PIGU: variants seen among roughly 807,000 people sequenced by gnomAD.
PIGU encodes phosphatidylinositol glycan anchor biosynthesis class U, also known as GPI-anchor transamidase component PIGU.
Under a neutral mutation model 49.9 loss-of-function variants are expected in PIGU, and 24 were observed. The observed-to-expected ratio is 0.48, with a 90% CI of 0.35 to 0.68. The LOEUF (loss-of-function observed/expected upper bound fraction) is 0.68, where lower values mean the gene tolerates loss of function less well. PIGU is among the 30% of genes least tolerant of loss of function. The pLI, the probability that PIGU is intolerant of heterozygous loss-of-function variation, is 0.01. For missense variants in PIGU, 490 were observed against 532.6 expected (o/e 0.92, Z 0.79); for synonymous variants, 220 against 205.7 (o/e 1.07, Z -0.59).
Position 34,657,312 on chromosome 20 carries a change from C to G in PIGU, c.131-68G>C, listed in dbSNP as rs1019002488. 5.1e-6 allele frequency: 6 copies of G among 1,182,126 alleles called. No individual in the cohort carries two copies. In the Admixed American group the frequency reaches 9.2e-5, roughly 18 times the overall value. 73.2% of individuals were successfully genotyped at this position (1,182,126 alleles called of 1,614,324 possible). A position where few individuals can be genotyped will look rare whatever the true frequency, so the allele number is the denominator to read the frequency against. ...GCTACAGACCAAATTGTTAGATACC[C>G]CCACAACCAAAAAGGGCCTTAGCGT... On this transcript the variant is annotated intron_variant, in intron 1 of 11. Transcript: ENST00000217446.
chr20:34,615,657 G>A (rs763184177), intron 7 of PIGU, among the ~76,000 whole-genome samples: 6 of 152,038 alleles, frequency 3.9e-5, no homozygotes, highest in Non-Finnish European at 7.4e-5. Context: ...GAAATCTCAC[G>A]CCGTCCTGCT....
intron 11 of PIGU, among the ~76,000 whole-genome samples, chr20:34,574,596 C>T (rs368139955): frequency 3.3e-5 from 5 of 152,116 alleles, no homozygotes; most frequent in Admixed American, 6.6e-5. Context: ...ACAGCCAGAC[C>T]GGCCCCCTTC....
intron 1 of PIGU, among the ~76,000 whole-genome samples, chr20:34,659,223 C>T (rs1291316165): frequency 4.0e-5 from 4 of 99,052 alleles, no homozygotes; most frequent in South Asian, 3.1e-4. Context: ...GCCCCCCGCC[C>T]GGCCAGCCGC....
At chr20:34,670,661 T>C (rs1331132757) in intron 1 of PIGU, among the ~76,000 whole-genome samples, 1 of 151,982 alleles carries the variant, frequency 6.6e-6, no homozygotes, top group Non-Finnish European at 1.5e-5. Flanking sequence ...CACCTCAGTC[T>C]CCCAGGTAGC....
intron 2 of PIGU, among the ~76,000 whole-genome samples, chr20:34,650,450 T>G (rs1416350192): frequency 6.6e-6 from 1 of 151,748 alleles, no homozygotes; most frequent in Non-Finnish European, 1.5e-5. Flanking sequence ...TTTGTATTTT[T>G]GGTAGATACA....
intron 7 of PIGU, among the ~76,000 whole-genome samples, chr20:34,596,427 A>C (rs1230421330): frequency 6.6e-6 from 1 of 152,214 alleles, no homozygotes; most frequent in Non-Finnish European, 1.5e-5. Context: ...CGTTTAGTTA[A>C]TAATGCTGCA....
intron 1 of PIGU, among the ~76,000 whole-genome samples, chr20:34,666,454 T>G (rs868053174): frequency 2.3e-4 from 35 of 151,918 alleles, no homozygotes; most frequent in Middle Eastern, 3.4e-3. Flanking sequence ...ATGTAAGTTT[T>G]TTTTTTTTTG....
intron 7 of PIGU, among the ~76,000 whole-genome samples, chr20:34,600,585 AAAG>A (rs1283206005): frequency 2.6e-5 from 4 of 152,080 alleles, no homozygotes; most frequent in African/African-American, 9.7e-5. Flanking sequence ...GGAAGAAAAA[AAAG>A]AGGAAGAAAA....
intron 4 of PIGU, among the ~76,000 whole-genome samples, chr20:34,641,202 C>A (rs1222500522): frequency 6.6e-6 from 1 of 152,232 alleles, no homozygotes; most frequent in African/African-American, 2.4e-5. Context: ...CAGGCGTGAG[C>A]CACAGCGCCC....
rs1987528873 is a variant in PIGU, at chr20:34,677,049, C to G, written c.37G>C (p.Val13Leu). 1 of 1,572,384 alleles carries G rather than the reference C, an allele frequency of 6.4e-7. No individual in the cohort carries two copies. Among genetic ancestry groups the G allele is most frequent in the Non-Finnish European group, 8.6e-7 (1 of 1,159,286 alleles). Residue 13 changes from valine (V) to leucine (L), a missense_variant, in exon 1 of 12, where the codon GTG (valine) becomes CTG (leucine). Physicochemically the swap from Val to Leu is conservative, Grantham distance 32. Transcript: ENST00000217446. ...CGGAACAAGGCCGCCCGCACTGTCA[C>G]AGCCACCACCAGCACCAGGACCAAG... is the stretch of plus-strand genomic sequence containing the variant. Reference protein sequence around the residue: ...APLVLVLVVAVTVRAALFRSS... With the variant: ...APLVLVLVVALTVRAALFRSS...
chr20:34,625,948 C>T lies in PIGU; in HGVS notation c.529+8667G>A, dbSNP rs1259732487. Among the ~76,000 whole-genome samples, 19 of 126,454 alleles carry T rather than the reference C, an allele frequency of 1.5e-4. No homozygotes were observed. The East Asian group carries it at 4.3e-3, about 29-fold the overall frequency. 83.0% of individuals were successfully genotyped at this position (126,454 alleles called of 152,430 possible). A position where few individuals can be genotyped will look rare whatever the true frequency, so the allele number is the denominator to read the frequency against. On this transcript the variant is annotated intron_variant, in intron 6 of 11. Coordinates refer to ENST00000217446, the MANE Select transcript of PIGU (RefSeq NM_080476.5). The stretch of plus-strand genomic sequence containing the variant: ...AAACAAAATTAGATTAAAAAAAATA[C>T]ATATATATAATATATATATATATAT...
intron 1 of PIGU, among the ~76,000 whole-genome samples, chr20:34,663,394 T>C (rs1208365733): frequency 6.6e-6 from 1 of 152,006 alleles, no homozygotes; most frequent in Non-Finnish European, 1.5e-5. Flanking sequence ...GGAAGATCAA[T>C]TGAGCCCAGG....
chr20:34,561,515 T>C (rs1982507924), intron 11 of PIGU, among the ~76,000 whole-genome samples: 1 of 152,090 alleles, frequency 6.6e-6, no homozygotes, highest in Non-Finnish European at 1.5e-5. Flanking sequence ...ACAGAGCCAC[T>C]GTCATCTCAT....
At chr20:34,601,993 A>G (rs1161800114) in intron 7 of PIGU, among the ~76,000 whole-genome samples, 3 of 152,234 alleles carry the variant, frequency 2.0e-5, no homozygotes, top group South Asian at 2.1e-4. Flanking sequence ...TGTAAAATGT[A>G]TGTATGGGCT....
At chr20:34,607,817 T>C (rs1322709489) in intron 7 of PIGU, among the ~76,000 whole-genome samples, 1 of 151,078 alleles carries the variant, frequency 6.6e-6, no homozygotes, top group Non-Finnish European at 1.5e-5. Context: ...CTGCACAGAG[T>C]TGTGCCCAGA....
At chr20:34,658,139 C>T (rs1367373473) in intron 1 of PIGU, among the ~76,000 whole-genome samples, 3 of 152,210 alleles carry the variant, frequency 2.0e-5, no homozygotes, top group Non-Finnish European at 2.9e-5. Flanking sequence ...ATTGCAGGCG[C>T]GCGCCGCCAC....
intron 7 of PIGU, among the ~76,000 whole-genome samples, chr20:34,593,206 A>C (rs1255937503): frequency 6.6e-6 from 1 of 152,002 alleles, no homozygotes; most frequent in Non-Finnish European, 1.5e-5. Context: ...GCATGGTGGC[A>C]CATGTCTGTA....
rs1394767088 is a variant in PIGU, at chr20:34,672,855, TCAAAAAA to T, written c.130+4094_130+4100del. Among the ~76,000 whole-genome samples the T allele has an allele frequency of 6.4e-3, 606 of 95,286 alleles. 7 individuals carry two copies. Among genetic ancestry groups the T allele is most frequent in the Admixed American group, 0.019 (159 of 8,338 alleles). 62.5% of individuals were successfully genotyped at this position (95,286 alleles called of 152,430 possible). A position where few individuals can be genotyped will look rare whatever the true frequency, so the allele number is the denominator to read the frequency against. On this transcript the variant is annotated intron_variant, in intron 1 of 11. Coordinates refer to ENST00000217446, the MANE Select transcript of PIGU (RefSeq NM_080476.5). Reference sequence around the variant, plus strand: ...GGGAGACAGAGTGGGACCCTGTCTCTCAAAAAAAAAAAAAAAAAAAAAAAATCAGTCC... The same window carrying T: ...GGGAGACAGAGTGGGACCCTGTCTCTAAAAAAAAAAAAAAAAAATCAGTCC...
intron 7 of PIGU, among the ~76,000 whole-genome samples, chr20:34,606,104 A>G (rs555443472): frequency 1.3e-5 from 2 of 151,892 alleles, no homozygotes; most frequent in East Asian, 1.9e-4. Context: ...AAATACAAAA[A>G]ATTAGCCAGG....
Sources: allele counts gnomAD v4.1 joint callset (sites outside exome capture counted in the v4.1 genomes callset), GRCh38; gene constraint gnomAD v4.1.1; transcripts MANE v1.5; gene names NCBI Gene and HGNC (gene_info 2026-07-23, HGNC 2026-07-21).